BTBD7: variants seen among roughly 807,000 people sequenced by gnomAD.
The protein encoded by BTBD7 is BTB/POZ domain-containing protein 7.
In BTBD7, 38 loss-of-function variants were observed where a neutral mutation model predicts 99.9. The observed-to-expected ratio is 0.38, with a 90% confidence interval of 0.29 to 0.50. The LOEUF (loss-of-function observed/expected upper bound fraction) is 0.50, where lower values mean the gene tolerates loss of function less well. Ranked by LOEUF, BTBD7 falls within the 20% of genes least tolerant of loss-of-function variation. BTBD7 has a pLI of 0.93. For missense variants in BTBD7, 1,170 were observed against 1,394.6 expected, an observed-to-expected ratio of 0.84 and a Z score of 2.57; for synonymous variants, 520 against 511.4, an observed-to-expected ratio of 1.02 and a Z score of -0.23.
chr14:93,288,942 A>G (rs1399803402), intron 3 of BTBD7, among the ~76,000 whole-genome samples: 1 of 152,202 alleles, frequency 6.6e-6, no homozygotes. Context: ...ACCCTGTGCC[A>G]CATCCCTACC....
chr14:93,251,335 G>A (rs2052365101), intron 8 of BTBD7, 128 bp downstream of exon 8: 1 of 1,020,264 alleles, frequency 9.8e-7, no homozygotes, highest in South Asian at 2.5e-5. Context: ...ATTCTTTAAG[G>A]AGAACAAGGC....
intron 1 of BTBD7, among the ~76,000 whole-genome samples, chr14:93,315,076 G>A (rs1439138224): frequency 1.3e-5 from 2 of 151,798 alleles, no homozygotes; most frequent in Non-Finnish European, 2.9e-5. Flanking sequence ...GTAACTTCTG[G>A]GTTTCCTCCT....
rs2052181450 is a variant in BTBD7, at chr14:93,238,143, A to T, written c.*4130T>A. The T allele has an allele frequency of 6.6e-6, 1 of 152,584 alleles. No individual in the cohort carries two copies. The highest frequency in any genetic ancestry group is 6.5e-5 in the Admixed American group (1 of 15,278). The allele number at this position is 152,584 out of a possible 1,614,324, so 9.5% of individuals were successfully genotyped here. A position where few individuals can be genotyped will look rare whatever the true frequency, so the allele number is the denominator to read the frequency against. ...AGACAGAACTCACATAAACACACAA[A>T]TACAAGAGGTTATTTTCAAGACACA... On this transcript the variant is annotated 3_prime_UTR_variant, in exon 11 of 11. Coordinates refer to ENST00000334746, the MANE Select transcript of BTBD7 (RefSeq NM_001002860.4).
chr14:93,251,416 A>T lies in BTBD7; in HGVS notation c.1942+47T>A, dbSNP rs761894041. On this transcript the variant is annotated intron_variant, in intron 8 of 10. Coordinates refer to ENST00000334746, the MANE Select transcript of BTBD7 (RefSeq NM_001002860.4). Reference sequence around the variant, plus strand: ...CTCAAACATCAGCAATTTCAAAAAAACAATAAATTATTCATTTAAATATAA... The same window carrying T: ...CTCAAACATCAGCAATTTCAAAAAATCAATAAATTATTCATTTAAATATAA... The T allele has an allele frequency of 6.0e-6, 9 of 1,497,852 alleles. No individual in the cohort carries two copies. The African/African-American group carries it at 1.2e-4, about 21-fold the overall frequency. The allele number at this position is 1,497,852 out of a possible 1,614,324, so 92.8% of individuals were successfully genotyped here.
At chr14:93,262,376 G>A (rs1595295354) in intron 4 of BTBD7, among the ~76,000 whole-genome samples, 2 of 151,948 alleles carry the variant, frequency 1.3e-5, no homozygotes, top group Admixed American at 6.6e-5. Flanking sequence ...CTCGTGATCC[G>A]CCTGCCTTGG....
At chr14:93,308,241 C>A (rs567849268) in intron 1 of BTBD7, among the ~76,000 whole-genome samples, 8 of 148,720 alleles carry the variant, frequency 5.4e-5, no homozygotes, top group Non-Finnish European at 7.4e-5. Context: ...GAGCTGAGAT[C>A]GCACCACTGC....
rs56893984 is a variant in BTBD7 at position 93,249,266 on chromosome 14, CAAAAAAAAAAA to C, written c.1943-623_1943-613del. Among the ~76,000 whole-genome samples, 4 of 25,942 alleles carry C rather than the reference CAAAAAAAAAAA, an allele frequency of 1.5e-4. 1 individual carries two copies. Among genetic ancestry groups the C allele is most frequent in the African/African-American group, 5.4e-4 (4 of 7,466 alleles). 17.0% of individuals were successfully genotyped at this position (25,942 alleles called of 152,430 possible). A position where few individuals can be genotyped will look rare whatever the true frequency, so the allele number is the denominator to read the frequency against. On this transcript the variant is annotated intron_variant, in intron 8 of 10. Transcript: ENST00000334746. ...GAAGAATGAAAGGAAACCAGATAGG[CAAAAAAAAAAA>C]AAAAAAAAAAAAAAGCTGTCTCAGC... is the stretch of plus-strand genomic sequence containing the variant.
chr14:93,309,535 G>C (rs369911993), intron 1 of BTBD7, among the ~76,000 whole-genome samples: 1 of 151,440 alleles, frequency 6.6e-6, no homozygotes, highest in African/African-American at 2.4e-5. Context: ...CGTCTCAAAA[G>C]TCTTCAGTGC....
At chr14:93,304,764 A>C (rs566070847) in intron 1 of BTBD7, among the ~76,000 whole-genome samples, 1 of 152,362 alleles carries the variant, frequency 6.6e-6, no homozygotes, top group South Asian at 2.1e-4. Context: ...AATTCCATTC[A>C]AAGCCAAAAC....
chr14:93,271,377 C>CGTGTTT (rs2052599317), intron 3 of BTBD7, among the ~76,000 whole-genome samples: 1 of 151,984 alleles, frequency 6.6e-6, no homozygotes, highest in Non-Finnish European at 1.5e-5. Flanking sequence ...AAGGAGGAAA[C>CGTGTTT]AGGCAAGGGG....
At chr14:93,321,089 A>G (rs2053264001) in intron 1 of BTBD7, among the ~76,000 whole-genome samples, 1 of 152,234 alleles carries the variant, frequency 6.6e-6, no homozygotes, top group Non-Finnish European at 1.5e-5. Flanking sequence ...TAACTTGATC[A>G]TAAAAATTTC....
chr14:93,301,519 A>ATATG (rs58045527), intron 1 of BTBD7, among the ~76,000 whole-genome samples: 1 of 143,344 alleles, frequency 7.0e-6, no homozygotes, highest in Admixed American at 6.8e-5. Context: ...ATATATATAT[A>ATATG]CACACACACA....
chr14:93,300,781 TATATA>T lies in BTBD7; in HGVS notation c.-106-4629_-106-4625del, dbSNP rs763115352. Among the ~76,000 whole-genome samples the T allele has an allele frequency of 8.6e-3, 864 of 100,266 alleles. 106 individuals carry two copies. The highest frequency in any genetic ancestry group is 0.033 in the African/African-American group (770 of 23,584). 65.8% of individuals were successfully genotyped at this position (100,266 alleles called of 152,430 possible). On this transcript the variant is annotated intron_variant, in intron 1 of 10. Transcript: ENST00000334746. ...GTGTGTGTGTGTGTGTGTATATATA[TATATA>T]TTTTTTTTTTGTAGAGATAGGGTTT...
At chr14:93,329,639 G>A (rs1438246660) in intron 1 of BTBD7, among the ~76,000 whole-genome samples, 1 of 152,218 alleles carries the variant, frequency 6.6e-6, no homozygotes, top group Admixed American at 6.5e-5. Context: ...TGTGACACAT[G>A]CTACAATATG....
intron 3 of BTBD7, among the ~76,000 whole-genome samples, chr14:93,290,844 TG>T (rs1171824766): frequency 6.6e-6 from 1 of 151,870 alleles, no homozygotes; most frequent in African/African-American, 2.4e-5. Context: ...CCATGATGCC[TG>T]GCTAATTTTT....
chr14:93,290,043 G>A (rs549452789), intron 3 of BTBD7, among the ~76,000 whole-genome samples: 5 of 151,780 alleles, frequency 3.3e-5, no homozygotes, highest in African/African-American at 1.2e-4. Flanking sequence ...TTAGAGACGG[G>A]GGTTTCACCA....
intron 1 of BTBD7, among the ~76,000 whole-genome samples, chr14:93,326,446 A>G (rs1380722410): frequency 6.6e-6 from 1 of 152,190 alleles, no homozygotes; most frequent in East Asian, 1.9e-4. Context: ...TAGGCGACAG[A>G]GCAAAAAGCC....
At chr14:93,265,507 C>G (rs2052532204) in intron 3 of BTBD7, among the ~76,000 whole-genome samples, 1 of 152,238 alleles carries the variant, frequency 6.6e-6, no homozygotes, top group African/African-American at 2.4e-5. Context: ...CAAATGAGAT[C>G]TTTGCAGATA....
At position 93,239,953 on chromosome 14, in the gene BTBD7, G is replaced by A. The variant is rs189805829; in HGVS notation, c.*2320C>T. 7.2e-5 allele frequency: 11 copies of A among 152,140 alleles called. No individual in the cohort carries two copies. The highest frequency in any genetic ancestry group is 1.9e-4 in the East Asian group (1 of 5,166). The allele number at this position is 152,140 out of a possible 1,614,324, so 9.4% of individuals were successfully genotyped here. On this transcript the variant is annotated 3_prime_UTR_variant, in exon 11 of 11. Transcript: ENST00000334746. ...GTTGAGTCTTACTTGCAGTACCGGC[G>A]CAGTACATGAACATGTCAACATACA...
Sources: allele counts gnomAD v4.1 joint callset (sites outside exome capture counted in the v4.1 genomes callset), GRCh38; gene constraint gnomAD v4.1.1; transcripts MANE v1.5; gene names NCBI Gene and HGNC (gene_info 2026-07-23, HGNC 2026-07-21).